The following PDLIM3 variants were observed in gnomAD, a reference collection of about 807,000 sequenced individuals.
The protein encoded by PDLIM3 is PDZ and LIM domain protein 3.
A neutral mutation model predicts 37.3 loss-of-function variants in PDLIM3; 36 were observed. The observed-to-expected ratio is 0.97, with a 90% CI of 0.74 to 1.28. The LOEUF is 1.28. Ranked by LOEUF, PDLIM3 falls within the 50% of genes most tolerant of loss-of-function variation. PDLIM3 has a pLI of 0.00. For missense variants in PDLIM3, 454 were observed against 485.0 expected (o/e 0.94, Z 0.60); for synonymous variants, 174 against 182.4 (o/e 0.95, Z 0.37).
intron 1 of PDLIM3, among the ~76,000 whole-genome samples, chr4:185,530,967 A>AAC (rs755319452): frequency 0.039 from 2,023 of 51,436 alleles, 33 homozygotes; most frequent in Middle Eastern, 0.078. Context: ...CATGCATAGA[A>AAC]ACACACACAC....
intron 7 of PDLIM3, among the ~76,000 whole-genome samples, chr4:185,503,444 G>A (rs868333900): frequency 2.6e-5 from 4 of 152,124 alleles, no homozygotes; most frequent in South Asian, 2.1e-4. Flanking sequence ...TTGGTCTCAC[G>A]TTCCTCCTTT....
At chr4:185,535,287 C>T (rs1226656400) in intron 1 of PDLIM3, 55 bp downstream of exon 1, 20 of 1,480,054 alleles carry the variant, frequency 1.4e-5, no homozygotes, top group Non-Finnish European at 1.9e-5. Flanking sequence ...CTGCGTCCCC[C>T]CGGACGCCGC....
intron 5 of PDLIM3, chr4:185,507,161 C>T (rs1169993325): frequency 6.5e-6 from 1 of 153,530 alleles, no homozygotes; most frequent in Non-Finnish European, 1.4e-5. Context: ...TTTGTTAACC[C>T]CTGGAAATAA....
chr4:185,532,046 C>T (rs942248439), intron 1 of PDLIM3, among the ~76,000 whole-genome samples: 7 of 151,760 alleles, frequency 4.6e-5, no homozygotes, highest in South Asian at 2.1e-4. Context: ...TGCAGTGAGG[C>T]GAGATCGCGC....
At chr4:185,511,709 GT>G (rs2153334261) in intron 4 of PDLIM3, among the ~76,000 whole-genome samples, 1 of 152,278 alleles carries the variant, frequency 6.6e-6, no homozygotes, top group South Asian at 2.1e-4. Context: ...TAACAGTGTA[GT>G]TACAGGGTGA....
At chr4:185,503,309 G>A (rs1178004813) in intron 7 of PDLIM3, among the ~76,000 whole-genome samples, 1 of 152,166 alleles carries the variant, frequency 6.6e-6, no homozygotes, top group Non-Finnish European at 1.5e-5. Context: ...GGGGTGGGTG[G>A]ATTGGCTTCT....
intron 5 of PDLIM3, among the ~76,000 whole-genome samples, chr4:185,507,278 G>A (rs1227221674): frequency 6.6e-6 from 1 of 152,172 alleles, no homozygotes; most frequent in Non-Finnish European, 1.5e-5. Flanking sequence ...TGACTGCACT[G>A]TCTTTTAAAA....
At chr4:185,512,428 C>G (rs891991283) in intron 4 of PDLIM3, 2 of 152,638 alleles carry the variant, frequency 1.3e-5, no homozygotes, top group Admixed American at 1.3e-4. Context: ...TTTAAGCAAA[C>G]CTTCTCATTT....
At position 185,534,483 on chromosome 4, in the gene PDLIM3, G is replaced by A. The variant is rs1023991795; in HGVS notation, c.93+859C>T. 7.9e-5 allele frequency among the ~76,000 whole-genome samples: 12 copies of A among 152,274 alleles called. No individual in the cohort carries two copies. The East Asian group carries it at 2.3e-3, about 29-fold the overall frequency. ...AAAACATTGTGTTAGAAAAAAACCA[G>A]CTAGACCAAATAATGCTTTAGAATT... On this transcript the variant is annotated intron_variant, in intron 1 of 7. Coordinates refer to ENST00000284767, the MANE Select transcript of PDLIM3 (RefSeq NM_014476.6).
chr4:185,510,051 G>T (rs1429698294), intron 4 of PDLIM3, among the ~76,000 whole-genome samples: 3 of 152,046 alleles, frequency 2.0e-5, no homozygotes, highest in Non-Finnish European at 2.9e-5. Flanking sequence ...ACATTGTTTA[G>T]ATCACATACC....
At chr4:185,506,284 C>T (rs1236314456) in intron 6 of PDLIM3, among the ~76,000 whole-genome samples, 1 of 152,120 alleles carries the variant, frequency 6.6e-6, no homozygotes. Flanking sequence ...ACCATTAATG[C>T]AATTTGTCTT....
At chr4:185,530,529 G>A (rs2095742122) in intron 1 of PDLIM3, among the ~76,000 whole-genome samples, 1 of 152,164 alleles carries the variant, frequency 6.6e-6, no homozygotes, top group Non-Finnish European at 1.5e-5. Context: ...AAGACACACT[G>A]GCATCAGATA....
intron 4 of PDLIM3, among the ~76,000 whole-genome samples, chr4:185,509,653 T>C (rs892863474): frequency 9.9e-5 from 15 of 152,246 alleles, no homozygotes. Flanking sequence ...TTAGTATTAA[T>C]GTAAATATTT....
intron 6 of PDLIM3, among the ~76,000 whole-genome samples, chr4:185,506,106 G>C (rs987788321): frequency 6.6e-6 from 1 of 151,844 alleles, no homozygotes; most frequent in Non-Finnish European, 1.5e-5. Flanking sequence ...ACATGATACT[G>C]TATGCAAAAT....
At chr4:185,502,540 A>T in intron 7 of PDLIM3, 57 bp from the exon 8 acceptor site, 1 of 1,498,724 alleles carries the variant, frequency 6.7e-7, no homozygotes, top group East Asian at 2.3e-5. Flanking sequence ...AATATGAGAC[A>T]AAGGAGAGAA....
At position 185,502,348 on chromosome 4, in the gene PDLIM3, G is replaced by T; in HGVS notation, c.1041C>A (p.Ala347=). The part of the protein sequence containing the change: ...GELYCETHAR[A]RTKPPEGYDT... ...CATAGCCCTCTGGGGGCTTTGTGCG[G>T]GCTCTTGCGTGGGTTTCGCAGTACA... The change falls in exon 8 of 8, where the codon GCC becomes GCA. Residue 347 remains alanine, a synonymous_variant. Coordinates refer to ENST00000284767, the MANE Select transcript of PDLIM3 (RefSeq NM_014476.6). 1.2e-6 allele frequency: 2 copies of T among 1,614,222 alleles called. No individual in the cohort carries two copies. The highest frequency in any genetic ancestry group is 1.7e-6 in the Non-Finnish European group (2 of 1,180,048).
intron 3 of PDLIM3, chr4:185,523,091 GA>G: frequency 3.3e-6 from 1 of 307,670 alleles, no homozygotes; most frequent in Non-Finnish European, 5.9e-6. Context: ...TATAAGAAAT[GA>G]AAAAATAATA....
chr4:185,518,979 T>C (rs1178947937), intron 3 of PDLIM3, among the ~76,000 whole-genome samples: 1 of 152,164 alleles, frequency 6.6e-6, no homozygotes, highest in Non-Finnish European at 1.5e-5. Context: ...TACCTTTGAG[T>C]TGTTCCACTA....
chr4:185,503,211 G>A (rs1463034442), intron 7 of PDLIM3, among the ~76,000 whole-genome samples: 1 of 149,386 alleles, frequency 6.7e-6, no homozygotes, highest in Non-Finnish European at 1.5e-5. Context: ...GCGACAGAGC[G>A]AGACTGTCTC....
Sources: allele counts gnomAD v4.1 joint callset (sites outside exome capture counted in the v4.1 genomes callset), GRCh38; gene constraint gnomAD v4.1.1; transcripts MANE v1.5; gene names NCBI Gene and HGNC (gene_info 2026-07-23, HGNC 2026-07-21).